Variants in TTBK2 observed in about 807,000 individuals in gnomAD.
TTBK2 encodes tau tubulin kinase 2, also known as tau-tubulin kinase 2.
A neutral mutation model predicts 110.8 loss-of-function variants in TTBK2; 28 were observed. That is an observed-to-expected ratio of 0.25 (90% CI 0.19 to 0.35). The LOEUF is 0.35. TTBK2 is among the 10% of genes least tolerant of loss of function. The probability of loss-of-function intolerance (pLI) is 1.00; values close to 1 mark genes in which losing one functional copy is unlikely to be tolerated. For missense variants in TTBK2, 1,369 were observed against 1,500.3 expected, an observed-to-expected ratio of 0.91 and a Z score of 1.45; for synonymous variants, 532 against 527.3, an observed-to-expected ratio of 1.01 and a Z score of -0.12.
chr15:42,852,219 C>A (rs1278593516), intron 3 of TTBK2, among the ~76,000 whole-genome samples: 1 of 151,998 alleles, frequency 6.6e-6, no homozygotes, highest in South Asian at 2.1e-4. Flanking sequence ...CAGGTATGCA[C>A]CACCGGGCCC....
chr15:42,882,538 C>T (rs1326214497), intron 1 of TTBK2, among the ~76,000 whole-genome samples: 1 of 151,882 alleles, frequency 6.6e-6, no homozygotes, highest in Non-Finnish European at 1.5e-5. Flanking sequence ...CACTTGGACC[C>T]AGGAGTTGGA....
chr15:42,802,881 T>C (rs1891286468), intron 9 of TTBK2, among the ~76,000 whole-genome samples: 2 of 152,184 alleles, frequency 1.3e-5, no homozygotes, highest in South Asian at 2.1e-4. Context: ...TCTAATCAGA[T>C]GCCAGTGAAT....
intron 10 of TTBK2, 84 bp from the exon 11 acceptor site, chr15:42,783,719 G>T: frequency 1.5e-5 from 15 of 1,020,398 alleles, no homozygotes; most frequent in African/African-American, 3.2e-5. Flanking sequence ...TCATTTAAAT[G>T]AACTCCACAC....
chr15:42,789,854 T>TACACACACACACACAC (rs58536399), intron 10 of TTBK2, among the ~76,000 whole-genome samples: 11,747 of 147,804 alleles, frequency 0.079, 667 homozygotes, highest in African/African-American at 0.16. Flanking sequence ...ATACATACAA[T>TACACACACACACACAC]ACACACACAC....
chr15:42,901,019 T>C (rs2029971648), intron 1 of TTBK2, among the ~76,000 whole-genome samples: 1 of 151,956 alleles, frequency 6.6e-6, no homozygotes, highest in South Asian at 2.1e-4. Context: ...TACAAAAACA[T>C]ACTCAAAATG....
At chr15:42,767,195 T>C (rs1367848693) in intron 13 of TTBK2, among the ~76,000 whole-genome samples, 1 of 152,178 alleles carries the variant, frequency 6.6e-6, no homozygotes, top group Middle Eastern at 3.4e-3. Flanking sequence ...AGATCTAAAA[T>C]TGACACCCTA....
intron 13 of TTBK2, among the ~76,000 whole-genome samples, chr15:42,755,515 C>CA: frequency 6.6e-6 from 1 of 151,976 alleles, no homozygotes; most frequent in African/African-American, 2.4e-5. Flanking sequence ...AAAAAAAACA[C>CA]CTAACTAATG....
chr15:42,818,131 A>C (rs956757868), intron 6 of TTBK2, among the ~76,000 whole-genome samples: 1 of 152,178 alleles, frequency 6.6e-6, no homozygotes, highest in Non-Finnish European at 1.5e-5. Flanking sequence ...GCTATAGTGC[A>C]GTGGTGTAAT....
intron 3 of TTBK2, among the ~76,000 whole-genome samples, chr15:42,845,116 A>C (rs1893393450): frequency 6.6e-6 from 1 of 152,212 alleles, no homozygotes; most frequent in African/African-American, 2.4e-5. Flanking sequence ...AGTTTTTGAG[A>C]AGAGTATTCT....
chr15:42,775,373 TGAA>T lies in TTBK2; in HGVS notation c.1757_1759del (p.Leu586del), dbSNP rs1317042070. On this transcript the variant is annotated inframe_deletion, in exon 13 of 15. Coordinates refer to ENST00000267890, the MANE Select transcript of TTBK2 (RefSeq NM_173500.4). ...ATCTTGAGGTGATGCCTCCAGGACT[TGAA>T]GTACTTCAGGCTCCTCATCAGAAGG... 1 of 1,614,128 alleles carries T rather than the reference TGAA, an allele frequency of 6.2e-7. No homozygotes were observed. The highest frequency in any genetic ancestry group is 1.3e-5 in the African/African-American group (1 of 74,950).
At chr15:42,884,644 G>C (rs559488125) in intron 1 of TTBK2, among the ~76,000 whole-genome samples, 1 of 152,204 alleles carries the variant, frequency 6.6e-6, no homozygotes, top group African/African-American at 2.4e-5. Flanking sequence ...AAGCTCTGGG[G>C]AGGAGAGAGA....
intron 3 of TTBK2, among the ~76,000 whole-genome samples, chr15:42,852,974 A>C (rs1023872830): frequency 6.6e-6 from 1 of 152,218 alleles, no homozygotes; most frequent in African/African-American, 2.4e-5. Flanking sequence ...GCCCTCCCAC[A>C]AAAGGTCCCT....
intron 9 of TTBK2, among the ~76,000 whole-genome samples, chr15:42,808,010 C>CT (rs1891547274): frequency 6.6e-6 from 1 of 152,104 alleles, no homozygotes; most frequent in African/African-American, 2.4e-5. Flanking sequence ...TAAGACATGG[C>CT]TGTTTCTCCA....
chr15:42,757,139 G>C (rs1595881524), intron 13 of TTBK2, among the ~76,000 whole-genome samples: 2 of 151,514 alleles, frequency 1.3e-5, no homozygotes, highest in East Asian at 3.9e-4. Context: ...ACAGAGTCTT[G>C]CTTTGTCGCC....
At chr15:42,782,722 G>A (rs185439401) in intron 11 of TTBK2, among the ~76,000 whole-genome samples, 3 of 152,156 alleles carry the variant, frequency 2.0e-5, no homozygotes, top group Admixed American at 1.3e-4. Flanking sequence ...ATGGACTTAG[G>A]GTCAAAACTA....
upstream of TTBK2, chr15:42,920,794 G>C (rs144991121): frequency 1.3e-5 from 2 of 153,002 alleles, no homozygotes; most frequent in Non-Finnish European, 2.9e-5. Context: ...CCGCTGACCC[G>C]ACCCGACGTT....
rs1413277896 is a variant in TTBK2, at chr15:42,878,683, A to C, written c.-66T>G. 2 of 1,612,132 alleles carry C rather than the reference A, an allele frequency of 1.2e-6. No individual in the cohort carries two copies. Among genetic ancestry groups the C allele is most frequent in the Non-Finnish European group, 1.7e-6 (2 of 1,179,420 alleles). ...AGTTCCCAAGGGTGGTTTCCATTTAACCTAAAACAACAACAACAAAAAATA... is the reference window on the plus strand; with the variant it reads ...AGTTCCCAAGGGTGGTTTCCATTTACCCTAAAACAACAACAACAAAAAATA... On this transcript the variant is annotated splice_region_variant and 5_prime_UTR_variant, in exon 2 of 15. Transcript: ENST00000267890.
chr15:42,773,071 C>G (rs1464805367), intron 13 of TTBK2, among the ~76,000 whole-genome samples: 1 of 152,110 alleles, frequency 6.6e-6, no homozygotes, highest in East Asian at 1.9e-4. Flanking sequence ...GGTGTGGTGA[C>G]TCATGCCTGT....
chr15:42,784,577 G>A (rs1269745550), intron 10 of TTBK2, among the ~76,000 whole-genome samples: 4 of 152,090 alleles, frequency 2.6e-5, no homozygotes, highest in African/African-American at 4.8e-5. Context: ...GGCACCCGGC[G>A]TGTTAGAGAA....
Sources: gnomAD v4.1 joint callset for allele counts (sites outside exome capture counted in the v4.1 genomes callset) on GRCh38, gnomAD v4.1.1 for gene constraint, MANE v1.5 for transcripts, NCBI Gene and HGNC (gene_info 2026-07-23, HGNC 2026-07-21) for gene names.